Variants in SEPTIN14 observed in about 807,000 individuals in gnomAD.
SEPTIN14 encodes septin 14, also known as septin-14.
A neutral mutation model predicts 53.6 loss-of-function variants in SEPTIN14; 40 were observed. The ratio of observed to expected loss-of-function variants is 0.75; its 90% CI spans 0.58 to 0.97. The LOEUF is 0.97. Ranked by LOEUF, SEPTIN14 falls within the 50% of genes least tolerant of loss-of-function variation. SEPTIN14 has a pLI of 0.00. For synonymous variants in SEPTIN14, 138 were observed against 166.8 expected, an observed-to-expected ratio of 0.83 and a Z score of 1.33; for missense variants, 471 against 508.2, an observed-to-expected ratio of 0.93 and a Z score of 0.70.
At chr7:55,852,467 G>C (rs887423269) in intron 2 of SEPTIN14, among the ~76,000 whole-genome samples, 6 of 151,932 alleles carry the variant, frequency 3.9e-5, no homozygotes, top group Non-Finnish European at 7.4e-5. Context: ...AATTGTGCTG[G>C]GAAAATTGGA....
intron 9 of SEPTIN14, among the ~76,000 whole-genome samples, chr7:55,803,452 T>C (rs1326137825): frequency 6.6e-6 from 1 of 152,168 alleles, no homozygotes; most frequent in African/African-American, 2.4e-5. Context: ...AGAATAATTT[T>C]ATAAAACAAT....
chr7:55,843,233 G>T, intron 4 of SEPTIN14, 105 bp from the exon 5 acceptor site: 1 of 593,680 alleles, frequency 1.7e-6, no homozygotes, highest in Non-Finnish European at 2.8e-6. Context: ...GTTTGCTATA[G>T]TGATGAAGAA....
In SEPTIN14 at chr7:55,796,033, C is replaced by T; in HGVS notation, c.1179G>A (p.Glu393=). The change falls in exon 10 of 10, where the codon GAG becomes GAA. Residue 393 remains glutamate, a synonymous_variant. Coordinates refer to ENST00000388975, the MANE Select transcript of SEPTIN14 (RefSeq NM_207366.3). ...CTCCTTCCAGTTGTTTTTTCTCTTC[C>T]TCGAGCTTCCTTATCTCCTCCTGTT... ...MIQQEEIRKL[E]EEKKQLEGEI... 1 of 1,521,980 alleles carries T rather than the reference C, an allele frequency of 6.6e-7. No homozygotes were observed. Among genetic ancestry groups the T allele is most frequent in the South Asian group, 1.1e-5 (1 of 89,306 alleles). 94.3% of individuals were successfully genotyped at this position (1,521,980 alleles called of 1,614,324 possible). A position where few individuals can be genotyped will look rare whatever the true frequency, so the allele number is the denominator to read the frequency against.
At chr7:55,822,195 C>T (rs953494838) in intron 6 of SEPTIN14, among the ~76,000 whole-genome samples, 1 of 152,112 alleles carries the variant, frequency 6.6e-6, no homozygotes, top group Non-Finnish European at 1.5e-5. Context: ...AACCACCATA[C>T]TGTTTTTCAT....
rs1788401589 is a variant in SEPTIN14 at position 55,794,810 on chromosome 7, C to T, written c.*1103G>A. 6.6e-6 allele frequency: 1 copy of T among 152,042 alleles called. No individual in the cohort carries two copies. The highest frequency in any genetic ancestry group is 2.4e-5 in the African/African-American group (1 of 41,396). The allele number at this position is 152,042 out of a possible 1,614,324, so 9.4% of individuals were successfully genotyped here. A position where few individuals can be genotyped will look rare whatever the true frequency, so the allele number is the denominator to read the frequency against. On this transcript the variant is annotated 3_prime_UTR_variant, in exon 10 of 10. Coordinates refer to ENST00000388975, the MANE Select transcript of SEPTIN14 (RefSeq NM_207366.3). ...GGACTACAGGTGCACAACACCACACCCGGCTAACTTTTGTATTATTAGTAG... is the reference window on the plus strand; with the variant it reads ...GGACTACAGGTGCACAACACCACACTCGGCTAACTTTTGTATTATTAGTAG...
At chr7:55,845,124 A>G (rs1789379971) in intron 3 of SEPTIN14, among the ~76,000 whole-genome samples, 1 of 151,986 alleles carries the variant, frequency 6.6e-6, no homozygotes. Context: ...TTTTGTGTCC[A>G]TGTGTTCTCA....
At chr7:55,834,634 GT>G (rs771465278) in intron 5 of SEPTIN14, 48 bp from the exon 6 acceptor site, 2 of 1,483,018 alleles carry the variant, frequency 1.3e-6, no homozygotes, top group Non-Finnish European at 9.1e-7. Context: ...TCATCTCACA[GT>G]TTTTTTGTTT....
At position 55,817,244 on chromosome 7, in the gene SEPTIN14, C is replaced by T. The variant is rs140184510; in HGVS notation, c.817+1883G>A. 3.7e-3 allele frequency among the ~76,000 whole-genome samples: 560 copies of T among 152,116 alleles called. 1 individual carries two copies. Among genetic ancestry groups the T allele is most frequent in the African/African-American group, 6.4e-3 (264 of 41,512 alleles). ...TGGATGACTTTACACTAAGTGAATA[C>T]GCCAAACACAGAAAGACAAATGGTA... is the stretch of plus-strand genomic sequence containing the variant. On this transcript the variant is annotated intron_variant, in intron 7 of 9. Coordinates refer to ENST00000388975, the MANE Select transcript of SEPTIN14 (RefSeq NM_207366.3).
intron 5 of SEPTIN14, among the ~76,000 whole-genome samples, chr7:55,836,816 CTTAAT>C (rs1789217160): frequency 6.6e-6 from 1 of 152,140 alleles, no homozygotes. Flanking sequence ...TGAAGCAGCT[CTTAAT>C]TTAACTAGAA....
intron 6 of SEPTIN14, among the ~76,000 whole-genome samples, chr7:55,830,171 C>CT (rs1179568266): frequency 2.9e-5 from 4 of 139,370 alleles, no homozygotes; most frequent in Admixed American, 2.1e-4. Context: ...GAGCGAGACT[C>CT]TGTCTCAAAA....
chr7:55,830,854 G>A (rs1430733378), intron 6 of SEPTIN14, among the ~76,000 whole-genome samples: 2 of 151,790 alleles, frequency 1.3e-5, no homozygotes, highest in African/African-American at 2.4e-5. Flanking sequence ...ATAAAAACAA[G>A]AACAGATAGG....
chr7:55,810,018 G>C (rs918402151), intron 7 of SEPTIN14, among the ~76,000 whole-genome samples: 6 of 151,858 alleles, frequency 4.0e-5, no homozygotes, highest in Non-Finnish European at 8.8e-5. Flanking sequence ...ATTTTTAGTA[G>C]AGACAGGGTT....
chr7:55,861,301 C>G (rs950809194), intron 2 of SEPTIN14, among the ~76,000 whole-genome samples: 2 of 152,028 alleles, frequency 1.3e-5, no homozygotes, highest in Non-Finnish European at 2.9e-5. Flanking sequence ...AGTTCGAGAC[C>G]AGCCTGGCCC....
At chr7:55,845,944 G>A (rs1160382167) in intron 3 of SEPTIN14, among the ~76,000 whole-genome samples, 1 of 149,350 alleles carries the variant, frequency 6.7e-6, no homozygotes, top group Non-Finnish European at 1.5e-5. Context: ...AGTTACTTGG[G>A]AGGCTGAGGC....
chr7:55,816,886 T>C (rs548382882), intron 7 of SEPTIN14, among the ~76,000 whole-genome samples: 19 of 152,118 alleles, frequency 1.2e-4, no homozygotes, highest in Non-Finnish European at 1.8e-4. Context: ...CTGGTAAGGA[T>C]GTGGAAAAAA....
intron 2 of SEPTIN14, among the ~76,000 whole-genome samples, chr7:55,857,482 G>C (rs1057266355): frequency 1.2e-5 from 1 of 85,826 alleles, no homozygotes; most frequent in Non-Finnish European, 2.2e-5. Flanking sequence ...GAGGAAGGGA[G>C]GGGAGGGGAG....
In SEPTIN14 at chr7:55,847,989, C is replaced by G. The variant is rs1789442171; in HGVS notation, c.55-1352G>C. ...CACTTTGCAATGACAGCTCAGCATA[C>G]TTCACAGTTCTTAACACTATTTTAT... On this transcript the variant is annotated intron_variant, in intron 2 of 9. Coordinates refer to ENST00000388975, the MANE Select transcript of SEPTIN14 (RefSeq NM_207366.3). Among the ~76,000 whole-genome samples the G allele has an allele frequency of 2.0e-5, 3 of 152,282 alleles. No individual in the cohort carries two copies. The South Asian group carries it at 6.2e-4, about 32-fold the overall frequency.
intron 5 of SEPTIN14, among the ~76,000 whole-genome samples, chr7:55,837,889 T>C (rs768820788): frequency 2.6e-5 from 4 of 152,180 alleles, no homozygotes; most frequent in Non-Finnish European, 5.9e-5. Context: ...GCCCTCCCCA[T>C]GTTTTTAATC....
At chr7:55,819,295 T>C (rs1584257610) in intron 6 of SEPTIN14, 72 bp from the exon 7 acceptor site, 3 of 1,155,588 alleles carry the variant, frequency 2.6e-6, no homozygotes, top group East Asian at 2.6e-5. Flanking sequence ...CTCATTCCTG[T>C]TATAAAAATG....
Sources: allele counts gnomAD v4.1 joint callset (sites outside exome capture counted in the v4.1 genomes callset), GRCh38; gene constraint gnomAD v4.1.1; transcripts MANE v1.5; gene names NCBI Gene and HGNC (gene_info 2026-07-23, HGNC 2026-07-21).